EVC2: variants seen among roughly 807,000 people sequenced by gnomAD.
EVC2 encodes the protein EvC ciliary complex subunit 2, also known as limbin.
A neutral mutation model predicts 149.3 loss-of-function variants in EVC2; 148 were observed. The ratio of observed to expected loss-of-function variants is 0.99; its 90% CI spans 0.87 to 1.14. EVC2 has a LOEUF of 1.14. EVC2 is among the 50% of genes most tolerant of loss of function. The pLI, the probability that EVC2 is intolerant of heterozygous loss-of-function variation, is 0.00. For synonymous variants in EVC2, 776 were observed against 649.9 expected (o/e 1.19, Z -2.95); for missense variants, 1,854 against 1,627.3 (o/e 1.14, Z -2.40).
At chr4:5,558,959 A>G (rs1246881986), downstream of EVC2, among the ~76,000 whole-genome samples, 1 of 152,140 alleles carries the variant, frequency 6.6e-6, no homozygotes, top group Non-Finnish European at 1.5e-5. Flanking sequence ...TTGCAAGACC[A>G]AGGCGGGAGG....
chr4:5,530,939 T>C, the EVC2 span, among the ~76,000 whole-genome samples: 1 of 152,218 alleles, frequency 6.6e-6, no homozygotes, highest in Non-Finnish European at 1.5e-5. Context: ...GCTGAGCAGT[T>C]GCATGGATTT....
intron 19 of EVC2, among the ~76,000 whole-genome samples, chr4:5,570,644 G>C (rs1264011779): frequency 6.6e-6 from 1 of 152,106 alleles, no homozygotes; most frequent in Non-Finnish European, 1.5e-5. Context: ...CCCACTGCTG[G>C]GTATATATGC....
chr4:5,538,515 A>G (rs1198744676), downstream of EVC2, among the ~76,000 whole-genome samples: 2 of 152,174 alleles, frequency 1.3e-5, no homozygotes, highest in Non-Finnish European at 2.9e-5. Context: ...AGACATTACA[A>G]GAAGAGAAAA....
chr4:5,643,036 A>G (rs1209444002), intron 9 of EVC2, among the ~76,000 whole-genome samples: 1 of 152,240 alleles, frequency 6.6e-6, no homozygotes, highest in African/African-American at 2.4e-5. Flanking sequence ...GTGTATGTCT[A>G]TCTAACGAGT....
chr4:5,691,160 G>A, intron 4 of EVC2, 105 bp downstream of exon 4: 1 of 1,008,768 alleles, frequency 9.9e-7, no homozygotes, highest in Non-Finnish European at 1.6e-6. Flanking sequence ...ACTTGTGTAG[G>A]TAAGCCCATG....
At position 5,599,854 on chromosome 4, in the gene EVC2, C is replaced by A. The variant is rs182869909; in HGVS notation, c.2830-15004G>T. 1.6e-4 allele frequency among the ~76,000 whole-genome samples: 24 copies of A among 152,268 alleles called. 1 individual carries two copies. The East Asian group carries it at 4.0e-3, about 26-fold the overall frequency. On this transcript the variant is annotated intron_variant, in intron 16 of 21. Coordinates refer to ENST00000344408, the MANE Select transcript of EVC2 (RefSeq NM_147127.5). ...AAAGATGGGAAATGTTTAAAACTCC[C>A]TGTGGCATATTGTATCAGGAGGAAA...
In EVC2 at chr4:5,689,086, A is replaced by G. The variant is rs558401077; in HGVS notation, c.706+71T>C. The G allele has an allele frequency of 1.2e-5, 18 of 1,554,788 alleles. No individual in the cohort carries two copies. The East Asian group carries it at 3.6e-4, about 31-fold the overall frequency. On this transcript the variant is annotated intron_variant, in intron 5 of 21. Transcript: ENST00000344408. ...GCTTTAAGAACATGCCTGACCCAGA[A>G]CACATTCACCTGGAAGTATCTGTAC... is the stretch of plus-strand genomic sequence containing the variant.
Position 5,681,298 on chromosome 4 carries a change from T to A in EVC2, c.832A>T (p.Lys278Ter), listed in dbSNP as rs942590430. The A allele has an allele frequency of 3.7e-6, 6 of 1,614,134 alleles. No homozygotes were observed. The highest frequency in any genetic ancestry group is 4.2e-6 in the Non-Finnish European group (5 of 1,180,050). ...TCTGCTGTTATGGAAAAAAGCACTT[T>A]CAGCTGTGTTCTGTTCTAGAAAAGG... Reference protein sequence around the residue: ...QSSSRNRTQLKVLFSITAEEN... With the variant: ...QSSSRNRTQL Residue 278 changes from lysine to a stop codon, truncating the protein, a stop_gained, in exon 7 of 22, where the codon AAA becomes TAA. Transcript: ENST00000344408. LOFTEE classifies it high-confidence loss of function.
At chr4:5,685,950 C>T (rs1720676634) in intron 5 of EVC2, among the ~76,000 whole-genome samples, 2 of 152,160 alleles carry the variant, frequency 1.3e-5, no homozygotes, top group South Asian at 4.1e-4. Context: ...AGCTTGTCCT[C>T]CAATCTGCCT....
At chr4:5,550,737 G>A (rs1397381259) in intron 21 of EVC2, among the ~76,000 whole-genome samples, 1 of 152,232 alleles carries the variant, frequency 6.6e-6, no homozygotes, top group Non-Finnish European at 1.5e-5. Context: ...AGTCTTCACA[G>A]CAGCCCCTAC....
chr4:5,673,177 T>C (rs1719764028), intron 7 of EVC2, among the ~76,000 whole-genome samples: 2 of 152,244 alleles, frequency 1.3e-5, no homozygotes, highest in African/African-American at 4.8e-5. Flanking sequence ...TTTAGGGTTA[T>C]GGTACACAGA....
Position 5,696,981 on chromosome 4 carries a change from A to G in EVC2, c.283+612T>C, listed in dbSNP as rs1721515182. 6.6e-6 allele frequency among the ~76,000 whole-genome samples: 1 copy of G among 152,212 alleles called. No individual in the cohort carries two copies. Among genetic ancestry groups the G allele is most frequent in the African/African-American group, 2.4e-5 (1 of 41,448 alleles). On this transcript the variant is annotated intron_variant, in intron 2 of 21. Coordinates refer to ENST00000344408, the MANE Select transcript of EVC2 (RefSeq NM_147127.5). The surrounding 1 kb of genome is among the most constrained non-coding windows in gnomAD (Gnocchi z 4.1). ...CCTAAATGTCATCACAGATGTCCTT[A>G]TAAGAGGGAGACAGAGATTTGACAG...
chr4:5,648,727 A>T (rs1461149895), intron 9 of EVC2, among the ~76,000 whole-genome samples: 1 of 152,208 alleles, frequency 6.6e-6, no homozygotes, highest in Non-Finnish European at 1.5e-5. Flanking sequence ...GCCTGGGAAG[A>T]CAGTCCCAGA....
At chr4:5,705,603 G>A (rs1290650133) in intron 1 of EVC2, among the ~76,000 whole-genome samples, 1 of 151,976 alleles carries the variant, frequency 6.6e-6, no homozygotes, top group Non-Finnish European at 1.5e-5. Context: ...AAAGTGAGAA[G>A]AATGGCATTT....
chr4:5,693,661 C>T (rs1721271961), intron 3 of EVC2, among the ~76,000 whole-genome samples: 1 of 152,228 alleles, frequency 6.6e-6, no homozygotes, highest in East Asian at 1.9e-4. Context: ...TTTGTGACAG[C>T]AGCCCCAGGA....
chr4:5,655,729 G>GT (rs1324085898), intron 9 of EVC2, among the ~76,000 whole-genome samples: 1 of 114,558 alleles, frequency 8.7e-6, no homozygotes, highest in Non-Finnish European at 1.7e-5. Context: ...TAATCCACAT[G>GT]TAAAAAAAAA....
At position 5,584,676 on chromosome 4, in the gene EVC2, A is replaced by G. The variant is rs1474034109; in HGVS notation, c.3004T>C (p.Ser1002Pro). 3 of 1,613,910 alleles carry G rather than the reference A, an allele frequency of 1.9e-6. No homozygotes were observed. Among genetic ancestry groups the G allele is most frequent in the Middle Eastern group, 1.6e-4 (1 of 6,084 alleles). Residue 1002 changes from serine (S) to proline (P), a missense_variant, in exon 17 of 22, where the codon TCT (serine) becomes CCT (proline). Coordinates refer to ENST00000344408, the MANE Select transcript of EVC2 (RefSeq NM_147127.5). ...QDLLLEELSA[S>P]EMLTKSACTQ... Reference sequence around the variant, plus strand: ...CAGGCCGACTTGGTCAGCATCTCAGATGCACTCAGCTCTTCCAGGAGCAAG... The same window carrying G: ...CAGGCCGACTTGGTCAGCATCTCAGGTGCACTCAGCTCTTCCAGGAGCAAG...
At chr4:5,555,276 C>T (rs1200657603) in intron 21 of EVC2, among the ~76,000 whole-genome samples, 2 of 152,138 alleles carry the variant, frequency 1.3e-5, no homozygotes, top group African/African-American at 4.8e-5. Flanking sequence ...ATGGAAAACA[C>T]TTGCAAACAT....
At chr4:5,602,881 T>G (rs1380357980) in intron 16 of EVC2, among the ~76,000 whole-genome samples, 1 of 152,130 alleles carries the variant, frequency 6.6e-6, no homozygotes, top group Non-Finnish European at 1.5e-5. Flanking sequence ...GCATGCTATT[T>G]AGAGTTATGG....
Sources: allele counts gnomAD v4.1 joint callset (sites outside exome capture counted in the v4.1 genomes callset), GRCh38; gene constraint gnomAD v4.1.1; non-coding constraint Gnocchi (gnomAD v3.1); transcripts MANE v1.5; gene names NCBI Gene and HGNC (gene_info 2026-07-23, HGNC 2026-07-21).